Variants in CHD4 observed in about 807,000 individuals in gnomAD.
CHD4 encodes the protein ATP-dependent chromatin remodeler CHD4.
In CHD4, 35 loss-of-function variants were observed where a neutral mutation model predicts 235.5. The ratio of observed to expected loss-of-function variants is 0.15; its 90% CI spans 0.11 to 0.20. The LOEUF (loss-of-function observed/expected upper bound fraction) is 0.20. Ranked by LOEUF, CHD4 falls within the 10% of genes least tolerant of loss-of-function variation. The pLI, the probability that CHD4 is intolerant of heterozygous loss-of-function variation, is 1.00. For synonymous variants in CHD4, 900 were observed against 850.2 expected, an observed-to-expected ratio of 1.06 and a Z score of -1.02; for missense variants, 1,329 against 2,432.3, an observed-to-expected ratio of 0.55 and a Z score of 9.54.
chr12:6,600,722 G>A lies in CHD4; in HGVS notation c.928-53C>T, dbSNP rs1948574922. The A allele has an allele frequency of 1.7e-5, 28 of 1,600,114 alleles. No homozygotes were observed. The South Asian group carries it at 3.1e-4, about 18-fold the overall frequency. ...GACGTTCAAGCCAAGGGGAAGGACA[G>A]AGTGGCAGAGAGGGGAGTACTCTCT... is the stretch of plus-strand genomic sequence containing the variant. On this transcript the variant is annotated intron_variant, in intron 7 of 39. Transcript: ENST00000544040.
rs752078735 is a variant in CHD4, at chr12:6,595,993, CA to C, written c.2024+12del. On this transcript the variant is annotated intron_variant, in intron 13 of 39. Transcript: ENST00000544040. ...AAAAGAAACAACTCTATGCCTCACCCAAAATCACTCACCTGTGATTCCAATA... is the reference window on the plus strand; with the variant it reads ...AAAAGAAACAACTCTATGCCTCACCCAAATCACTCACCTGTGATTCCAATA... The C allele has an allele frequency of 6.2e-7, 1 of 1,603,526 alleles. No homozygotes were observed. The highest frequency in any genetic ancestry group is 2.2e-5 in the East Asian group (1 of 44,746).
intron 38 of CHD4, chr12:6,571,292 T>C (rs373952266): frequency 4.7e-5 from 19 of 402,656 alleles, no homozygotes; most frequent in African/African-American, 2.5e-4. Flanking sequence ...CTTGAGCTTA[T>C]TCGTTTTTTC....
chr12:6,582,552 G>C, intron 29 of CHD4, 63 bp downstream of exon 29: 1 of 1,549,490 alleles, frequency 6.5e-7, no homozygotes, highest in African/African-American at 1.4e-5. Context: ...TAGAACCATG[G>C]AATGACCAGA....
In CHD4 at chr12:6,591,884, C is replaced by T; in HGVS notation, c.3090+32G>A. The T allele has an allele frequency of 2.5e-6, 4 of 1,614,100 alleles. No individual in the cohort carries two copies. In the Admixed American group the frequency reaches 5.0e-5, roughly 20 times the overall value. ...GAAAGCCCACATGGAGAAGACCCAA[C>T]CCAGGGAGGAACAGGAGATGGCACT... On this transcript the variant is annotated intron_variant, in intron 20 of 39. Transcript: ENST00000544040.
At position 6,601,966 on chromosome 12, in the gene CHD4, A is replaced by G. The variant is rs894630979; in HGVS notation, c.432T>C (p.Asp144=). Residue 144 remains aspartate, a synonymous_variant, in exon 4 of 40, where the codon GAT becomes GAC. Transcript: ENST00000544040. ...EEEEEEDDDD[D]SKEPKSSAQL... ...AGGATGGAGGTCCAGGCACCTTTGAATCATCATCATCATCCTCCTCCTCCT... is the reference window on the plus strand; with the variant it reads ...AGGATGGAGGTCCAGGCACCTTTGAGTCATCATCATCATCCTCCTCCTCCT... The G allele has an allele frequency of 6.2e-7, 1 of 1,606,382 alleles. No homozygotes were observed. The highest frequency in any genetic ancestry group is 8.5e-7 in the Non-Finnish European group (1 of 1,179,384).
At position 6,599,801 on chromosome 12, in the gene CHD4, T is replaced by C. The variant is rs1270632767; in HGVS notation, c.1454A>G (p.Asn485Ser). ...CLNPPLPEIP[N>S]GEWLCPRCTC... ...ACAACGGGGACAGAGCCATTCACCG[T>C]TGGGGATCTCTGGAAGTGGGGGATT... Residue 485 changes from asparagine (N) to serine (S), a missense_variant, in exon 10 of 40, where the codon AAC becomes AGC. Physicochemically the swap from Asn to Ser is conservative, Grantham distance 46. Around this residue, in one of 26 missense-constraint regions of CHD4, gnomAD observed 33 missense variants for 84.2 expected, o/e 0.39. Coordinates refer to ENST00000544040, the MANE Select transcript of CHD4 (RefSeq NM_001273.5). The C allele has an allele frequency of 6.2e-7, 1 of 1,614,146 alleles. No homozygotes were observed.
chr12:6,581,530 T>TG lies in CHD4; in HGVS notation c.4681+118dup, dbSNP rs1948188737. On this transcript the variant is annotated intron_variant, in intron 31 of 39. Transcript: ENST00000544040. The stretch of plus-strand genomic sequence containing the variant: ...TATTCTTAGGACGGCCCTCCTAAAC[T>TG]GAGAGGGAATTGCTGTGTGTCCTGC... 1.9e-6 allele frequency: 3 copies of TG among 1,545,438 alleles called. No homozygotes were observed. In the East Asian group the frequency reaches 6.7e-5, roughly 35 times the overall value.
intron 11 of CHD4, 25 bp downstream of exon 11, chr12:6,598,197 C>T (rs759763778): frequency 5.6e-5 from 90 of 1,609,258 alleles, no homozygotes; most frequent in Non-Finnish European, 7.0e-5. Context: ...GTAGCCCCTA[C>T]ATCTCCAGAC....
chr12:6,599,079 C>T (rs1175379014), intron 10 of CHD4, among the ~76,000 whole-genome samples: 1 of 152,204 alleles, frequency 6.6e-6, no homozygotes, highest in Non-Finnish European at 1.5e-5. Flanking sequence ...AGGAAATCAA[C>T]AGACTTAGAG....
At chr12:6,597,113 C>CA (rs150271314) in intron 12 of CHD4, among the ~76,000 whole-genome samples, 32,605 of 130,318 alleles carry the variant, frequency 0.25, 4,949 homozygotes, top group African/African-American at 0.47. Flanking sequence ...ACTAAAAATA[C>CA]AAAAAAAAAA....
chr12:6,584,731 C>G (rs1244508786), intron 25 of CHD4: 1 of 152,174 alleles, frequency 6.6e-6, no homozygotes, highest in Non-Finnish European at 1.5e-5. Flanking sequence ...AAAAATAAAA[C>G]TTAAAAATAT....
intron 13 of CHD4, 36 bp from the exon 14 acceptor site, chr12:6,595,466 C>A (rs748591406): frequency 1.3e-6 from 2 of 1,585,446 alleles, no homozygotes; most frequent in South Asian, 2.2e-5. Context: ...TGCCCAAAAT[C>A]CTTTTCTATA....
chr12:6,585,713 C>G (rs1407104863), intron 25 of CHD4, among the ~76,000 whole-genome samples: 2 of 150,834 alleles, frequency 1.3e-5, no homozygotes, highest in Non-Finnish European at 3.0e-5. Flanking sequence ...TGCTTGAACC[C>G]GGGAGGCGGA....
Position 6,600,657 on chromosome 12 carries a change from C to A in CHD4, c.940G>T (p.Asp314Tyr), listed in dbSNP as rs774873519. Residue 314 changes from aspartate (D) to tyrosine (Y), a missense_variant, in exon 8 of 40, where the codon GAC (aspartate) becomes TAC (tyrosine). Asp to Tyr is a radical substitution (Grantham distance 160). This residue lies in a region of CHD4 where 160 missense variants were observed against 196.6 expected (regional missense o/e 0.81). Transcript: ENST00000544040. Reference protein sequence around the residue: ...KRKRSSSEDDDLDVESDFDDA... With the variant: ...KRKRSSSEDDYLDVESDFDDA... Reference sequence around the variant, plus strand: ...TCGAAGTCAGATTCCACATCTAAGTCATCATCCTCACTCTGGCAGGATGAA... The same window carrying A: ...TCGAAGTCAGATTCCACATCTAAGTAATCATCCTCACTCTGGCAGGATGAA... The A allele has an allele frequency of 6.2e-7, 1 of 1,614,070 alleles. No homozygotes were observed. Among genetic ancestry groups the A allele is most frequent in the South Asian group, 1.1e-5 (1 of 91,068 alleles).
At chr12:6,595,002 A>G (rs1948461942) in intron 14 of CHD4, among the ~76,000 whole-genome samples, 1 of 152,192 alleles carries the variant, frequency 6.6e-6, no homozygotes, top group African/African-American at 2.4e-5. Context: ...ATTACACTGT[A>G]CAAACAAAAC....
chr12:6,605,949 T>C (rs1042230852), intron 2 of CHD4, among the ~76,000 whole-genome samples: 6 of 151,690 alleles, frequency 4.0e-5, no homozygotes, highest in Admixed American at 6.6e-5. Flanking sequence ...ACCACAAGCC[T>C]CCAGGGGTCC....
In CHD4 at chr12:6,583,278, T is replaced by C. The variant is rs1345560849; in HGVS notation, c.3980A>G (p.Glu1327Gly). The change falls in exon 26 of 40, where the codon GAA (glutamate) becomes GGA (glycine). Residue 1327 changes from glutamate (E) to glycine (G), a missense_variant. Transcript: ENST00000544040. ...LLRHHYEQQQEDLARNLGKGK... is the reference protein window; with the variant it reads ...LLRHHYEQQQGDLARNLGKGK... ...TTTGCCCAGATTTCGGGCTAGATCT[T>C]CTTGCTGCTGCTCATAATGGTGCCG... 6.2e-7 allele frequency: 1 copy of C among 1,614,084 alleles called. No individual in the cohort carries two copies. Among genetic ancestry groups the C allele is most frequent in the Non-Finnish European group, 8.5e-7 (1 of 1,180,044 alleles).
chr12:6,596,827 G>C (rs1240802846), intron 12 of CHD4, among the ~76,000 whole-genome samples: 1 of 151,546 alleles, frequency 6.6e-6, no homozygotes, highest in Admixed American at 6.6e-5. Context: ...AGGCGTGGTG[G>C]CACACGCCTG....
In CHD4 at chr12:6,581,278, C is replaced by T. The variant is rs764314849; in HGVS notation, c.4779+13G>A. 3.1e-6 allele frequency: 5 copies of T among 1,613,312 alleles called. No homozygotes were observed. Among genetic ancestry groups the T allele is most frequent in the Non-Finnish European group, 4.2e-6 (5 of 1,179,244 alleles). On this transcript the variant is annotated intron_variant, in intron 32 of 39. Transcript: ENST00000544040. ...TTGTCTTTAGTATGGCATTCAGTCA[C>T]CCCATCTCTTACCTCAATGGCAGTC...
Sources: gnomAD v4.1 joint callset for allele counts (sites outside exome capture counted in the v4.1 genomes callset) on GRCh38, gnomAD v4.1.1 for gene constraint, gnomAD v4.1.1 regional missense constraint, MANE v1.5 for transcripts, NCBI Gene and HGNC (gene_info 2026-07-23, HGNC 2026-07-21) for gene names.